The following HDAC4 variants were observed in gnomAD, a reference collection of about 807,000 sequenced individuals.
HDAC4 encodes histone deacetylase 4.
HDAC4 carries 16 observed loss-of-function variants against 135.1 expected under a neutral mutation model. The ratio of observed to expected loss-of-function variants is 0.12; its 90% CI spans 0.08 to 0.18. The LOEUF is 0.18. Among genes scored for constraint, HDAC4 ranks in the 10% least tolerant of loss-of-function variants. HDAC4 has a pLI of 1.00. For missense variants in HDAC4, 1,143 were observed against 1,511.8 expected (o/e 0.76, Z 4.05); for synonymous variants, 685 against 653.4 (o/e 1.05, Z -0.74).
intron 1 of HDAC4, among the ~76,000 whole-genome samples, chr2:239,394,168 T>C (rs936280954): frequency 6.6e-6 from 1 of 152,208 alleles, no homozygotes; most frequent in African/African-American, 2.4e-5. Flanking sequence ...TTTCAGGTCC[T>C]AAGAACTGAT....
intron 3 of HDAC4, among the ~76,000 whole-genome samples, chr2:239,235,456 G>C (rs1032656290): frequency 6.6e-6 from 1 of 152,250 alleles, no homozygotes; most frequent in Non-Finnish European, 1.5e-5. Context: ...TGACTGTCAA[G>C]GAAGGTGCAG....
intron 1 of HDAC4, among the ~76,000 whole-genome samples, chr2:239,359,511 T>C (rs1031538125): frequency 6.6e-6 from 1 of 152,172 alleles, no homozygotes; most frequent in African/African-American, 2.4e-5. Context: ...ACAGAGGACC[T>C]GGGGTCGGGT....
At chr2:239,292,689 C>G (rs948152961) in intron 2 of HDAC4, among the ~76,000 whole-genome samples, 1 of 152,124 alleles carries the variant, frequency 6.6e-6, no homozygotes, top group African/African-American at 2.4e-5. Context: ...CAGACTAAGG[C>G]GGGAGGCTGG....
intron 2 of HDAC4, among the ~76,000 whole-genome samples, chr2:239,256,855 CTAA>C (rs2049078023): frequency 6.7e-6 from 1 of 149,058 alleles, no homozygotes; most frequent in African/African-American, 2.5e-5. Flanking sequence ...CCTTAACATG[CTAA>C]TAATACTAAT....
chr2:239,256,898 A>G (rs999522473), intron 2 of HDAC4, among the ~76,000 whole-genome samples: 3 of 152,232 alleles, frequency 2.0e-5, no homozygotes, highest in Non-Finnish European at 4.4e-5. Context: ...GAATGCAGGT[A>G]TACTGCTAAT....
intron 16 of HDAC4, among the ~76,000 whole-genome samples, chr2:239,096,749 C>A (rs1245352206): frequency 6.9e-6 from 1 of 145,096 alleles, no homozygotes; most frequent in African/African-American, 2.6e-5. Flanking sequence ...CACACGGACA[C>A]CAGCACCCCC....
intron 3 of HDAC4, among the ~76,000 whole-genome samples, chr2:239,210,392 A>G (rs969184911): frequency 1.1e-4 from 17 of 152,266 alleles, no homozygotes; most frequent in African/African-American, 4.1e-4. Context: ...AAAAGCTCGG[A>G]AAAGCAAATC....
At chr2:239,175,107 T>G (rs1307955159) in intron 5 of HDAC4, among the ~76,000 whole-genome samples, 2 of 152,204 alleles carry the variant, frequency 1.3e-5, no homozygotes, top group African/African-American at 2.4e-5. Context: ...CTTTTCAGTA[T>G]TACCAGGGAA....
At chr2:239,150,322 G>A (rs1158899578) in intron 7 of HDAC4, among the ~76,000 whole-genome samples, 1 of 148,978 alleles carries the variant, frequency 6.7e-6, no homozygotes, top group East Asian at 2.0e-4. Flanking sequence ...CAGATACACA[G>A]AAACACAGAT....
intron 8 of HDAC4, chr2:239,140,873 C>G (rs1426314765): frequency 2.3e-6 from 1 of 443,372 alleles, no homozygotes; most frequent in Non-Finnish European, 4.7e-6. Context: ...CTCATGCTGA[C>G]TCACGTGGTA....
intron 6 of HDAC4, 31 bp downstream of exon 6, chr2:239,163,772 A>T (rs771922773): frequency 6.2e-7 from 1 of 1,609,660 alleles, no homozygotes; most frequent in South Asian, 1.1e-5. Context: ...CCCAGAGAGG[A>T]GGCCGGGGTG....
intron 22 of HDAC4, among the ~76,000 whole-genome samples, chr2:239,077,990 T>C (rs1386184538): frequency 6.6e-6 from 1 of 152,212 alleles, no homozygotes; most frequent in Non-Finnish European, 1.5e-5. Context: ...CAGAGACATC[T>C]TTGATAAACT....
chr2:239,348,853 A>C (rs1043220774), intron 2 of HDAC4, among the ~76,000 whole-genome samples: 2 of 152,244 alleles, frequency 1.3e-5, no homozygotes, highest in African/African-American at 4.8e-5. Context: ...CCAACAGTTA[A>C]GCAGCTTTGA....
At chr2:239,099,237 T>C (rs3791392) in intron 16 of HDAC4, among the ~76,000 whole-genome samples, 44,450 of 151,968 alleles carry the variant, frequency 0.29, 6,679 homozygotes, top group Non-Finnish European at 0.33. Flanking sequence ...CTGAAGGTGG[T>C]AGGGGATGGA....
rs1195086780 is a variant in HDAC4, at chr2:239,050,871, T to C, written c.*2226A>G. The C allele has an allele frequency of 1.3e-5, 2 of 152,568 alleles. No homozygotes were observed. Among genetic ancestry groups the C allele is most frequent in the Admixed American group, 1.3e-4 (2 of 15,272 alleles). The allele number at this position is 152,568 out of a possible 1,614,324, so 9.5% of individuals were successfully genotyped here. A position where few individuals can be genotyped will look rare whatever the true frequency, so the allele number is the denominator to read the frequency against. On this transcript the variant is annotated 3_prime_UTR_variant, in exon 27 of 27. Transcript: ENST00000543185. The stretch of plus-strand genomic sequence containing the variant: ...ACTGGCTGTCCTGGTCAGGCAATCA[T>C]ACCCTCCCTGCAGGTTCACCAGGCA...
chr2:239,396,333 A>G (rs1367846793), intron 1 of HDAC4, among the ~76,000 whole-genome samples: 1 of 152,190 alleles, frequency 6.6e-6, no homozygotes, highest in Non-Finnish European at 1.5e-5. Context: ...ATGATAATAA[A>G]TAACAGCCAA....
intron 3 of HDAC4, among the ~76,000 whole-genome samples, chr2:239,222,211 C>T (rs1225394266): frequency 6.6e-6 from 1 of 152,192 alleles, no homozygotes; most frequent in Non-Finnish European, 1.5e-5. Flanking sequence ...TGGGTGCTGG[C>T]CGTACCAGCC....
intron 2 of HDAC4, among the ~76,000 whole-genome samples, chr2:239,317,409 C>CCCTG (rs1455939101): frequency 6.6e-6 from 1 of 151,904 alleles, no homozygotes; most frequent in African/African-American, 2.4e-5. Flanking sequence ...GAGAAAGGAA[C>CCCTG]CAGGCCGCCT....
intron 3 of HDAC4, among the ~76,000 whole-genome samples, chr2:239,217,735 A>T (rs1345535426): frequency 2.0e-5 from 3 of 152,174 alleles, no homozygotes; most frequent in Non-Finnish European, 4.4e-5. Context: ...CAGACCAAAT[A>T]AAAGGTAAGA....
Sources: allele counts gnomAD v4.1 joint callset (sites outside exome capture counted in the v4.1 genomes callset), GRCh38; gene constraint gnomAD v4.1.1; transcripts MANE v1.5; gene names NCBI Gene and HGNC (gene_info 2026-07-23, HGNC 2026-07-21).